ACMSD: variants seen among roughly 807,000 people sequenced by gnomAD.
ACMSD encodes the protein aminocarboxymuconate semialdehyde decarboxylase.
ACMSD carries 37 observed loss-of-function variants against 45.9 expected under a neutral mutation model. The ratio of observed to expected loss-of-function variants is 0.81; its 90% CI spans 0.62 to 1.06. ACMSD has a LOEUF of 1.06. Ranked by LOEUF, ACMSD falls within the 50% of genes least tolerant of loss-of-function variation. The pLI, the probability that ACMSD is intolerant of heterozygous loss-of-function variation, is 0.00. For synonymous variants in ACMSD, 138 were observed against 148.8 expected (o/e 0.93, Z 0.53); for missense variants, 434 against 420.9 (o/e 1.03, Z -0.27).
chr2:134,850,790 T>G (rs1687302993), intron 2 of ACMSD, among the ~76,000 whole-genome samples: 1 of 152,176 alleles, frequency 6.6e-6, no homozygotes, highest in Non-Finnish European at 1.5e-5. Flanking sequence ...TTTAAAATAA[T>G]TTCAACTTTT....
intron 3 of ACMSD, among the ~76,000 whole-genome samples, chr2:134,860,351 T>C (rs1178161856): frequency 1.3e-5 from 2 of 152,210 alleles, no homozygotes; most frequent in East Asian, 3.9e-4. Context: ...TGGTTGACTG[T>C]GCCACCTGAG....
intron 1 of ACMSD, among the ~76,000 whole-genome samples, chr2:134,842,017 C>T (rs951168879): frequency 3.3e-5 from 5 of 152,158 alleles, no homozygotes; most frequent in African/African-American, 1.2e-4. Context: ...AGTTCATCCA[C>T]TTTGATTCAT....
intron 7 of ACMSD, among the ~76,000 whole-genome samples, chr2:134,871,578 T>A (rs1031326142): frequency 6.6e-6 from 1 of 151,058 alleles, no homozygotes; most frequent in African/African-American, 2.4e-5. Flanking sequence ...CAGTCTACAA[T>A]AGTCCCCACT....
intron 8 of ACMSD, among the ~76,000 whole-genome samples, chr2:134,874,919 A>G (rs989982297): frequency 6.6e-6 from 1 of 152,198 alleles, no homozygotes; most frequent in African/African-American, 2.4e-5. Flanking sequence ...CTAAGAAACA[A>G]TAGTATAAGC....
At chr2:134,850,090 C>T (rs1306596002) in intron 2 of ACMSD, among the ~76,000 whole-genome samples, 2 of 150,384 alleles carry the variant, frequency 1.3e-5, no homozygotes, top group African/African-American at 4.9e-5. Context: ...TCCCCCGCCC[C>T]CCAAATTCAT....
At chr2:134,850,511 A>T (rs1055520158) in intron 2 of ACMSD, among the ~76,000 whole-genome samples, 18 of 152,156 alleles carry the variant, frequency 1.2e-4, no homozygotes, top group African/African-American at 4.3e-4. Flanking sequence ...CAAGTGATCC[A>T]CCTGCTTCGT....
At chr2:134,886,805 T>C (rs939158510) in intron 8 of ACMSD, among the ~76,000 whole-genome samples, 11 of 152,154 alleles carry the variant, frequency 7.2e-5, no homozygotes, top group African/African-American at 2.7e-4. Flanking sequence ...AATAGTCTCT[T>C]TGGCAGATGA....
chr2:134,873,681 T>C (rs899651133), intron 8 of ACMSD: 1 of 152,192 alleles, frequency 6.6e-6, no homozygotes, highest in Non-Finnish European at 1.5e-5. Flanking sequence ...AGAATATAAA[T>C]ATTAAGCATT....
At position 134,872,508 on chromosome 2, in the gene ACMSD, G is replaced by A; in HGVS notation, c.716G>A (p.Gly239Glu). 1 of 1,614,136 alleles carries A rather than the reference G, an allele frequency of 6.2e-7. No individual in the cohort carries two copies. The highest frequency in any genetic ancestry group is 1.1e-5 in the South Asian group (1 of 91,084). Residue 239 changes from glycine (G) to glutamate (E), a missense_variant, in exon 8 of 10, where the codon GGA (glycine) becomes GAA (glutamate). Coordinates refer to ENST00000356140, the MANE Select transcript of ACMSD (RefSeq NM_138326.3). ...FPFTVGRISH[G>E]FSMRPDLCAQ... ...TTCACAGTGGGAAGAATCTCCCATG[G>A]ATTCAGCATGCGCCCAGATCTGTGT...
At chr2:134,893,912 T>C (rs181454608) in intron 8 of ACMSD, among the ~76,000 whole-genome samples, 1 of 152,158 alleles carries the variant, frequency 6.6e-6, no homozygotes, top group Admixed American at 6.5e-5. Context: ...TAGAAAACAT[T>C]AGACATGAAT....
intron 8 of ACMSD, among the ~76,000 whole-genome samples, chr2:134,878,737 T>G (rs1688884712): frequency 6.6e-6 from 1 of 152,246 alleles, no homozygotes; most frequent in Non-Finnish European, 1.5e-5. Flanking sequence ...GTACATGTTT[T>G]ATAGTCCAAA....
chr2:134,891,103 A>G (rs1023976560), intron 8 of ACMSD, among the ~76,000 whole-genome samples: 2 of 151,954 alleles, frequency 1.3e-5, no homozygotes, highest in African/African-American at 4.8e-5. Flanking sequence ...CACTCTGGTA[A>G]TTATTTCTTT....
intron 8 of ACMSD, among the ~76,000 whole-genome samples, chr2:134,883,796 G>A (rs761726042): frequency 2.0e-5 from 3 of 152,072 alleles, no homozygotes; most frequent in Non-Finnish European, 4.4e-5. Context: ...ACTACACCCA[G>A]CCAAAAAAGT....
rs138679619 is a variant in ACMSD, at chr2:134,871,051, G to A, written c.667G>A (p.Ala223Thr). 1.5e-5 allele frequency: 25 copies of A among 1,613,794 alleles called. No homozygotes were observed. Among genetic ancestry groups the A allele is most frequent in the Middle Eastern group, 1.6e-4 (1 of 6,062 alleles). The change falls in exon 7 of 10, where the codon GCA (alanine) becomes ACA (threonine). Residue 223 changes from alanine (A) to threonine (T), a missense_variant. Coordinates refer to ENST00000356140, the MANE Select transcript of ACMSD (RefSeq NM_138326.3). ...GTTTCCCAAACTGAAAGTGTGTTTCGCACATGGTGGTAAGACCCTATCTTT... is the reference window on the plus strand; with the variant it reads ...GTTTCCCAAACTGAAAGTGTGTTTCACACATGGTGGTAAGACCCTATCTTT... Reference protein sequence around the residue: ...EKFPKLKVCFAHGGGAFPFTV... With the variant: ...EKFPKLKVCFTHGGGAFPFTV...
intron 8 of ACMSD, among the ~76,000 whole-genome samples, chr2:134,892,852 T>A (rs1033413416): frequency 1.3e-5 from 2 of 152,138 alleles, no homozygotes; most frequent in African/African-American, 4.8e-5. Context: ...AGATGACAAC[T>A]TCAATATTAG....
chr2:134,885,329 G>T (rs1317611923), intron 8 of ACMSD, among the ~76,000 whole-genome samples: 875 of 73,932 alleles, frequency 0.012, 13 homozygotes, highest in African/African-American at 0.046. Context: ...AAATATATAT[G>T]TAAATATATA....
At chr2:134,885,149 T>A (rs111674445) in intron 8 of ACMSD, among the ~76,000 whole-genome samples, 72,020 of 144,594 alleles carry the variant, frequency 0.5, 18,804 homozygotes, top group Middle Eastern at 0.81. Flanking sequence ...TGAGCGGAGA[T>A]CATGCCACCG....
intron 1 of ACMSD, among the ~76,000 whole-genome samples, chr2:134,843,502 G>C (rs1686903232): frequency 6.6e-6 from 1 of 152,070 alleles, no homozygotes; most frequent in Non-Finnish European, 1.5e-5. Flanking sequence ...GCTGCACCAT[G>C]GCCCAGGCCC....
At chr2:134,899,687 T>C (rs900200513) in intron 9 of ACMSD, among the ~76,000 whole-genome samples, 1 of 152,126 alleles carries the variant, frequency 6.6e-6, no homozygotes, top group Non-Finnish European at 1.5e-5. Flanking sequence ...CTAACACAAA[T>C]TCACAATGAT....
Sources: allele counts gnomAD v4.1 joint callset (sites outside exome capture counted in the v4.1 genomes callset), GRCh38; gene constraint gnomAD v4.1.1; transcripts MANE v1.5; gene names NCBI Gene and HGNC (gene_info 2026-07-23, HGNC 2026-07-21).